Variants in OXR1 observed in about 807,000 individuals in gnomAD.
OXR1 encodes oxidation resistance 1, also known as oxidation resistance protein 1.
In OXR1, 41 loss-of-function variants were observed where a neutral mutation model predicts 104.6. The observed-to-expected ratio is 0.39, with a 90% confidence interval of 0.31 to 0.51. The LOEUF is 0.51. Ranked by LOEUF, OXR1 falls within the 20% of genes least tolerant of loss-of-function variation. The pLI, the probability that OXR1 is intolerant of heterozygous loss-of-function variation, is 0.77. For missense variants in OXR1, 955 were observed against 1,031.9 expected (o/e 0.93, Z 1.02); for synonymous variants, 348 against 348.4 (o/e 1.00, Z 0.01).
intron 3 of OXR1, among the ~76,000 whole-genome samples, chr8:106,653,077 A>ATAT (rs1234539741): frequency 2.7e-5 from 3 of 110,922 alleles, no homozygotes; most frequent in African/African-American, 1.0e-4. Context: ...AATAGAAAAA[A>ATAT]AAAAAAATAT....
chr8:106,348,917 C>G (rs1321946846), intron 1 of OXR1, among the ~76,000 whole-genome samples: 2 of 152,150 alleles, frequency 1.3e-5, no homozygotes, highest in African/African-American at 4.8e-5. Context: ...GAATAGTCAT[C>G]AGAGGTTTTC....
At chr8:106,341,390 C>CATATATATAT (rs138432601) in intron 1 of OXR1, among the ~76,000 whole-genome samples, 9,578 of 145,794 alleles carry the variant, frequency 0.066, 601 homozygotes, top group African/African-American at 0.16. Flanking sequence ...AGTCAATCTA[C>CATATATATAT]ATATATATAT....
chr8:106,438,914 T>C lies in OXR1; in HGVS notation c.23+79278T>C, dbSNP rs1398001055. 2.6e-5 allele frequency among the ~76,000 whole-genome samples: 4 copies of C among 152,024 alleles called. No homozygotes were observed. In the East Asian group the frequency reaches 7.7e-4, roughly 29 times the overall value. ...AGCCCCCACCTGCATATGAATTGGG[T>C]TTATTAAGAGATGCATCCCCATTGC... is the stretch of plus-strand genomic sequence containing the variant. On this transcript the variant is annotated intron_variant, in intron 2 of 16. Coordinates refer to ENST00000517566, the MANE Select transcript of OXR1 (RefSeq NM_001198533.2).
intron 3 of OXR1, among the ~76,000 whole-genome samples, chr8:106,528,386 G>A (rs963282057): frequency 3.9e-5 from 6 of 152,150 alleles, no homozygotes; most frequent in African/African-American, 7.2e-5. Flanking sequence ...CTTTTGCCCT[G>A]CTTGCAGGAT....
intron 2 of OXR1, among the ~76,000 whole-genome samples, chr8:106,518,650 A>C (rs1206421442): frequency 6.6e-6 from 1 of 152,176 alleles, no homozygotes; most frequent in Non-Finnish European, 1.5e-5. Context: ...AGTCAAATAC[A>C]TTATCTTTGA....
intron 11 of OXR1, among the ~76,000 whole-genome samples, chr8:106,724,974 C>T (rs919259487): frequency 6.6e-6 from 1 of 152,140 alleles, no homozygotes; most frequent in Non-Finnish European, 1.5e-5. Context: ...CTTCCACCAC[C>T]ACCACCACCA....
At chr8:106,631,949 T>C (rs1182301058) in intron 3 of OXR1, among the ~76,000 whole-genome samples, 4 of 152,166 alleles carry the variant, frequency 2.6e-5, no homozygotes, top group Admixed American at 2.6e-4. Context: ...ACAAAAAATA[T>C]ACTAAATACT....
At chr8:106,654,502 C>A (rs1824890657) in intron 3 of OXR1, among the ~76,000 whole-genome samples, 1 of 152,098 alleles carries the variant, frequency 6.6e-6, no homozygotes, top group African/African-American at 2.4e-5. Context: ...ATTTGGACCA[C>A]TTCCTCACAT....
chr8:106,492,608 C>A (rs905884449), intron 2 of OXR1, among the ~76,000 whole-genome samples: 3 of 152,124 alleles, frequency 2.0e-5, no homozygotes, highest in Non-Finnish European at 4.4e-5. Flanking sequence ...TACCATTCCC[C>A]CCTCCAGGCT....
intron 8 of OXR1, among the ~76,000 whole-genome samples, chr8:106,705,117 A>G (rs112881355): frequency 2.0e-5 from 3 of 152,222 alleles, no homozygotes; most frequent in African/African-American, 7.2e-5. Flanking sequence ...ACTTTTCTAA[A>G]TATATATCCT....
At chr8:106,606,288 C>CTTTATTTATTTA (rs140600718) in intron 3 of OXR1, among the ~76,000 whole-genome samples, 3,204 of 145,970 alleles carry the variant, frequency 0.022, 84 homozygotes, top group African/African-American at 0.054. Context: ...CTATGATACT[C>CTTTATTTATTTA]TTTATTTATT....
intron 3 of OXR1, among the ~76,000 whole-genome samples, chr8:106,645,008 T>TA (rs1563665115): frequency 6.6e-6 from 1 of 152,150 alleles, no homozygotes; most frequent in African/African-American, 2.4e-5. Context: ...AAGGCAATAC[T>TA]TAGATTGGCG....
chr8:106,692,649 C>A, intron 6 of OXR1, 79 bp from the exon 7 acceptor site: 1 of 773,716 alleles, frequency 1.3e-6, no homozygotes, highest in Non-Finnish European at 1.9e-6. Flanking sequence ...GAAAGCTATT[C>A]ATTTGACTTT....
At chr8:106,413,675 C>T (rs1818552066) in intron 2 of OXR1, among the ~76,000 whole-genome samples, 1 of 151,692 alleles carries the variant, frequency 6.6e-6, no homozygotes, top group African/African-American at 2.4e-5. Flanking sequence ...AGTAGTTATC[C>T]TATTGTAAGT....
intron 2 of OXR1, among the ~76,000 whole-genome samples, chr8:106,407,480 C>T (rs1284788122): frequency 6.6e-6 from 1 of 152,170 alleles, no homozygotes; most frequent in South Asian, 2.1e-4. Flanking sequence ...CTCTAAGAAA[C>T]AGATTTATCA....
chr8:106,719,621 T>C (rs1420808253), intron 11 of OXR1, among the ~76,000 whole-genome samples: 1 of 150,852 alleles, frequency 6.6e-6, no homozygotes, highest in Non-Finnish European at 1.5e-5. Context: ...GCTTTTTTAT[T>C]TCAGTTTTTA....
chr8:106,271,985 T>A (rs929986650), intron 1 of OXR1: 1 of 152,122 alleles, frequency 6.6e-6, no homozygotes, highest in Non-Finnish European at 1.5e-5. Flanking sequence ...GCCTGCGGAC[T>A]GGGAAGCACG....
chr8:106,336,602 C>G (rs943422686), intron 1 of OXR1, among the ~76,000 whole-genome samples: 2 of 152,236 alleles, frequency 1.3e-5, no homozygotes, highest in South Asian at 2.1e-4. Context: ...CCGTCTTTAA[C>G]TAACATCAGG....
chr8:106,484,479 GAAATA>G (rs1387060948), intron 2 of OXR1, among the ~76,000 whole-genome samples: 11 of 151,808 alleles, frequency 7.2e-5, no homozygotes, highest in South Asian at 2.1e-4. Flanking sequence ...GCAAACAAAA[GAAATA>G]AAATAAACCA....
Sources: gnomAD v4.1 joint callset for allele counts (sites outside exome capture counted in the v4.1 genomes callset) on GRCh38, gnomAD v4.1.1 for gene constraint, MANE v1.5 for transcripts, NCBI Gene and HGNC (gene_info 2026-07-23, HGNC 2026-07-21) for gene names.